Variants in KAT6A observed in about 807,000 individuals in gnomAD.
KAT6A encodes lysine acetyltransferase 6A.
Under a neutral mutation model 198.4 loss-of-function variants are expected in KAT6A, and 9 were observed. The ratio of observed to expected loss-of-function variants is 0.05; its 90% CI spans 0.03 to 0.08. KAT6A has a LOEUF of 0.08. KAT6A is among the 10% of genes least tolerant of loss of function. KAT6A has a pLI of 1.00. For synonymous variants in KAT6A, 890 were observed against 883.0 expected (o/e 1.01, Z -0.14); for missense variants, 2,077 against 2,509.9 (o/e 0.83, Z 3.69).
intron 15 of KAT6A, among the ~76,000 whole-genome samples, chr8:41,940,153 T>C (rs758407998): frequency 1.1e-4 from 17 of 152,238 alleles, no homozygotes; most frequent in Non-Finnish European, 1.9e-4. Context: ...TCTGGCTGCC[T>C]CCTGGCAATG....
intron 2 of KAT6A, among the ~76,000 whole-genome samples, chr8:42,023,273 A>T (rs2150916923): frequency 6.6e-6 from 1 of 152,294 alleles, no homozygotes; most frequent in African/African-American, 2.4e-5. Context: ...GTGAACACAA[A>T]AGCCTAGCAC....
At chr8:42,038,042 T>C (rs1179125824) in intron 2 of KAT6A, among the ~76,000 whole-genome samples, 1 of 152,230 alleles carries the variant, frequency 6.6e-6, no homozygotes, top group Admixed American at 6.5e-5. Context: ...CCATATTTAA[T>C]GTCTTTGGTA....
At chr8:42,031,131 C>T (rs373531630) in intron 2 of KAT6A, among the ~76,000 whole-genome samples, 4 of 151,928 alleles carry the variant, frequency 2.6e-5, no homozygotes, top group South Asian at 2.1e-4. Flanking sequence ...TACAGCTCAC[C>T]GGCTGCCTCC....
chr8:41,943,054 A>C (rs1362114408), intron 13 of KAT6A, 54 bp from the exon 14 acceptor site: 1 of 1,605,126 alleles, frequency 6.2e-7, no homozygotes, highest in African/African-American at 1.3e-5. Flanking sequence ...TGTACATAAA[A>C]ATGAATGTGG....
Position 41,978,692 on chromosome 8 carries a change from A to G in KAT6A, c.993T>C (p.Tyr331=). The G allele has an allele frequency of 6.2e-7, 1 of 1,614,122 alleles. No homozygotes were observed. The highest frequency in any genetic ancestry group is 8.5e-7 in the Non-Finnish European group (1 of 1,179,988). ...QKKAAQIKRR[Y]TNPIGRPKNR... ...TTTTTGGACGTCCTATTGGATTAGT[A>G]TAGCGCCGTTTTATCTGTGCTGCCT... is the stretch of plus-strand genomic sequence containing the variant. Residue 331 remains tyrosine, a synonymous_variant, in exon 6 of 17, where the codon TAT becomes TAC. Coordinates refer to ENST00000265713, the MANE Select transcript of KAT6A (RefSeq NM_006766.5).
In KAT6A at chr8:41,937,278, ATCTTCT is replaced by A. The variant is rs3837198; in HGVS notation, c.3324_3329del (p.Glu1108_Glu1109del). ...TACCATCAGCATCATCTGACTCTTC[ATCTTCT>A]TCTTCATCTTTAGACTTCCTCTTAG... On this transcript the variant is annotated inframe_deletion, in exon 16 of 17. Coordinates refer to ENST00000265713, the MANE Select transcript of KAT6A (RefSeq NM_006766.5). 4 of 1,613,484 alleles carry A rather than the reference ATCTTCT, an allele frequency of 2.5e-6. No homozygotes were observed. The highest frequency in any genetic ancestry group is 2.5e-6 in the Non-Finnish European group (3 of 1,179,678).
At chr8:41,938,431 G>C (rs1484364742) in intron 15 of KAT6A, among the ~76,000 whole-genome samples, 4 of 152,198 alleles carry the variant, frequency 2.6e-5, no homozygotes, top group African/African-American at 9.6e-5. Context: ...ATGAACAGCA[G>C]TTAGTCAATG....
intron 8 of KAT6A, among the ~76,000 whole-genome samples, chr8:41,960,100 C>T (rs1455819287): frequency 8.0e-6 from 1 of 124,964 alleles, no homozygotes; most frequent in Non-Finnish European, 1.6e-5. Flanking sequence ...CTAGAGTAGA[C>T]AAATTAATAA....
intron 6 of KAT6A, among the ~76,000 whole-genome samples, chr8:41,978,066 T>C (rs151018576): frequency 2.7e-4 from 41 of 152,320 alleles, no homozygotes; most frequent in African/African-American, 8.9e-4. Context: ...CCTCCAGACA[T>C]AGCCCAGCTT....
rs142223557 is a variant in KAT6A at position 41,981,968 on chromosome 8, G to A, written c.710-14C>T. 2 of 1,416,554 alleles carry A rather than the reference G, an allele frequency of 1.4e-6. No homozygotes were observed. Among genetic ancestry groups the A allele is most frequent in the South Asian group, 2.3e-5 (2 of 86,278 alleles). 87.7% of individuals were successfully genotyped at this position (1,416,554 alleles called of 1,614,324 possible). On this transcript the variant is annotated splice_polypyrimidine_tract_variant and intron_variant, in intron 3 of 16. Coordinates refer to ENST00000265713, the MANE Select transcript of KAT6A (RefSeq NM_006766.5). Reference sequence around the variant, plus strand: ...AGGATGGATGGCCTAATACGAGGGAGAACATTCATGAATGAAACAATCAAG... The same window carrying A: ...AGGATGGATGGCCTAATACGAGGGAAAACATTCATGAATGAAACAATCAAG...
chr8:42,049,760 G>A (rs1802505291), intron 1 of KAT6A: 1 of 152,202 alleles, frequency 6.6e-6, no homozygotes, highest in South Asian at 2.1e-4. Flanking sequence ...TAGACATTCA[G>A]AGTAGACAAA....
At position 42,025,280 on chromosome 8, in the gene KAT6A, C is replaced by T. The variant is rs538697205; in HGVS notation, c.600+23098G>A. The stretch of plus-strand genomic sequence containing the variant: ...AGGCTGGAGTGCAGTGGCATGATCT[C>T]GGCTCACTGCAACCTCCACCTCCCA... On this transcript the variant is annotated intron_variant, in intron 2 of 16. Transcript: ENST00000265713. 1.1e-4 allele frequency among the ~76,000 whole-genome samples: 17 copies of T among 152,020 alleles called. No homozygotes were observed. The East Asian group carries it at 1.7e-3, about 16-fold the overall frequency.
In KAT6A at chr8:41,947,922, T is replaced by C. The variant is rs189761822; in HGVS notation, c.1741-10A>G. Reference sequence around the variant, plus strand: ...TCACATTCCCATCAACCTAGAGAAATAAACAGAACAAAACAGTCAGTAGAG... The same window carrying C: ...TCACATTCCCATCAACCTAGAGAAACAAACAGAACAAAACAGTCAGTAGAG... On this transcript the variant is annotated splice_polypyrimidine_tract_variant and intron_variant, in intron 10 of 16. Transcript: ENST00000265713. 6.0e-4 allele frequency: 958 copies of C among 1,585,250 alleles called. 1 individual carries two copies. The highest frequency in any genetic ancestry group is 7.6e-4 in the Non-Finnish European group (891 of 1,171,364).
chr8:41,987,345 T>C (rs540517902), intron 3 of KAT6A, 110 bp downstream of exon 3: 3 of 684,200 alleles, frequency 4.4e-6, no homozygotes, highest in East Asian at 5.0e-5. Flanking sequence ...AATTAAAAGA[T>C]GTATGACTGT....
chr8:41,964,889 T>C (rs148194013), intron 8 of KAT6A, among the ~76,000 whole-genome samples: 21 of 152,218 alleles, frequency 1.4e-4, no homozygotes, highest in African/African-American at 5.1e-4. Flanking sequence ...CTGATGATGA[T>C]GAGGAGGAGG....
intron 2 of KAT6A, among the ~76,000 whole-genome samples, chr8:41,995,135 T>A (rs969347571): frequency 1.3e-5 from 2 of 152,174 alleles, no homozygotes; most frequent in Non-Finnish European, 2.9e-5. Context: ...AATAATTAAT[T>A]GAATTACCTT....
intron 9 of KAT6A, among the ~76,000 whole-genome samples, chr8:41,951,621 G>C (rs752540870): frequency 6.6e-6 from 1 of 152,138 alleles, no homozygotes; most frequent in African/African-American, 2.4e-5. Flanking sequence ...CTCCACACTG[G>C]AAGTTGATTC....
intron 2 of KAT6A, among the ~76,000 whole-genome samples, chr8:42,022,705 C>T (rs1826608809): frequency 6.6e-6 from 1 of 152,088 alleles, no homozygotes; most frequent in African/African-American, 2.4e-5. Context: ...CCAATAATTC[C>T]ACTTCTAGGG....
chr8:41,959,124 G>A (rs1823066739), intron 8 of KAT6A, among the ~76,000 whole-genome samples: 1 of 136,540 alleles, frequency 7.3e-6, no homozygotes, highest in African/African-American at 2.9e-5. Flanking sequence ...TCGCGCCACT[G>A]CACTCCAGCC....
Sources: gnomAD v4.1 joint callset for allele counts (sites outside exome capture counted in the v4.1 genomes callset) on GRCh38, gnomAD v4.1.1 for gene constraint, MANE v1.5 for transcripts, NCBI Gene and HGNC (gene_info 2026-07-23, HGNC 2026-07-21) for gene names.